Variants in MEAK7 observed in about 807,000 individuals in gnomAD.
MEAK7 encodes MTOR-associated protein MEAK7.
Under a neutral mutation model 40.5 loss-of-function variants are expected in MEAK7, and 68 were observed. The ratio of observed to expected loss-of-function variants is 1.68; its 90% CI spans 1.38 to 2.06. MEAK7 has a LOEUF of 2.06. MEAK7 is among the 30% of genes most tolerant of loss of function. MEAK7 has a pLI of 0.00. For missense variants in MEAK7, 918 were observed against 580.5 expected (o/e 1.58, Z -5.98); for synonymous variants, 338 against 231.9 (o/e 1.46, Z -4.16).
chr16:84,495,950 G>A lies in MEAK7; in HGVS notation c.154-37C>T, dbSNP rs114453352. On this transcript the variant is annotated intron_variant, in intron 2 of 7. Coordinates refer to ENST00000343629, the MANE Select transcript of MEAK7 (RefSeq NM_020947.4). ...AAGCAGAAAAATATGGTTAGACAGT[G>A]CACAAGTTGAACTTGGTTACTAGGA... The A allele has an allele frequency of 3.3e-4, 535 of 1,603,130 alleles. 6 individuals carry two copies. In the African/African-American group the frequency reaches 5.8e-3, roughly 17 times the overall value.
At chr16:84,484,964 A>C (rs975497432) in intron 5 of MEAK7, among the ~76,000 whole-genome samples, 2 of 152,222 alleles carry the variant, frequency 1.3e-5, no homozygotes, top group Non-Finnish European at 2.9e-5. Context: ...GTCCATCTGA[A>C]ATTAACATTA....
intron 2 of MEAK7, among the ~76,000 whole-genome samples, chr16:84,496,652 G>A (rs909094873): frequency 1.3e-5 from 2 of 152,116 alleles, no homozygotes; most frequent in African/African-American, 4.8e-5. Flanking sequence ...CAATGCTGCT[G>A]TCAGCTCCCA....
rs930242355 is a variant in MEAK7 at position 84,486,541 on chromosome 16, G to A, written c.958+90C>T. On this transcript the variant is annotated intron_variant, in intron 5 of 7. Coordinates refer to ENST00000343629, the MANE Select transcript of MEAK7 (RefSeq NM_020947.4). ...AGAAACACTTGGAGAAGATGGGAGAGCCCTATTTAGCACCCCCACCCTCTC... is the reference window on the plus strand; with the variant it reads ...AGAAACACTTGGAGAAGATGGGAGAACCCTATTTAGCACCCCCACCCTCTC... 3.3e-6 allele frequency: 5 copies of A among 1,496,858 alleles called. No individual in the cohort carries two copies. In the East Asian group the frequency reaches 1.1e-4, roughly 34 times the overall value. 92.7% of individuals were successfully genotyped at this position (1,496,858 alleles called of 1,614,324 possible). A position where few individuals can be genotyped will look rare whatever the true frequency, so the allele number is the denominator to read the frequency against.
intron 2 of MEAK7, among the ~76,000 whole-genome samples, chr16:84,496,208 C>G (rs9935522): frequency 0.027 from 4,137 of 152,256 alleles, 227 homozygotes; most frequent in African/African-American, 0.095. Context: ...CATATCCCCA[C>G]GTGTATAGAA....
chr16:84,494,321 G>C (rs1416680409), intron 3 of MEAK7, among the ~76,000 whole-genome samples: 2 of 152,164 alleles, frequency 1.3e-5, no homozygotes, highest in Non-Finnish European at 2.9e-5. Context: ...TTGGATTCTA[G>C]CTTTGACCAG....
At position 84,477,214 on chromosome 16, in the gene MEAK7, G is replaced by T. The variant is rs1968389; in HGVS notation, c.*2699C>A. 0.2 allele frequency: 30,115 copies of T among 147,688 alleles called. 3,264 individuals are homozygous for T. Among genetic ancestry groups the T allele is most frequent in the African/African-American group, 0.25 (10,022 of 39,756 alleles). 9.1% of individuals were successfully genotyped at this position (147,688 alleles called of 1,614,324 possible). A position where few individuals can be genotyped will look rare whatever the true frequency, so the allele number is the denominator to read the frequency against. On this transcript the variant is annotated 3_prime_UTR_variant, in exon 8 of 8. Transcript: ENST00000343629. The stretch of plus-strand genomic sequence containing the variant: ...CCAGCCTTTTTTTTTTTCTTGAAAC[G>T]GAGTTTCACTCTTGTTGCCCAGGCT...
chr16:84,497,572 C>G, intron 2 of MEAK7: 1 of 1,300,908 alleles, frequency 7.7e-7, no homozygotes, highest in Non-Finnish European at 1.0e-6. Flanking sequence ...CTATCTCTCT[C>G]CTCTGATGTT....
intron 4 of MEAK7, 139 bp downstream of exon 4, chr16:84,489,139 A>T: frequency 8.7e-7 from 1 of 1,153,032 alleles, no homozygotes; most frequent in Non-Finnish European, 1.2e-6. Flanking sequence ...AAATATGCCA[A>T]CAAACTAGAA....
intron 6 of MEAK7, 51 bp from the exon 7 acceptor site, chr16:84,480,759 G>C (rs371037400): frequency 3.9e-6 from 6 of 1,539,310 alleles, no homozygotes; most frequent in Admixed American, 2.0e-5. Context: ...CTCAGGGTCT[G>C]TGGACATCAA....
intron 6 of MEAK7, 71 bp downstream of exon 6, chr16:84,482,521 G>C (rs2150624910): frequency 1.2e-6 from 2 of 1,610,718 alleles, no homozygotes; most frequent in Admixed American, 1.7e-5. Context: ...CTGTGGAGCT[G>C]AGCCTCGGGG....
intron 1 of MEAK7, among the ~76,000 whole-genome samples, 185 bp downstream of exon 1, chr16:84,504,415 TC>T (rs1914729594): frequency 6.7e-6 from 1 of 149,944 alleles, no homozygotes; most frequent in Non-Finnish European, 1.5e-5. Flanking sequence ...CGCCCCGCTG[TC>T]CCCACCCCTC....
chr16:84,497,889 A>C, intron 2 of MEAK7, 45 bp downstream of exon 2: 1 of 1,610,686 alleles, frequency 6.2e-7, no homozygotes, highest in Non-Finnish European at 8.5e-7. Flanking sequence ...CAGTTTGCAG[A>C]CCCCTGCTCC....
At chr16:84,491,164 G>T (rs1409303223) in intron 3 of MEAK7, among the ~76,000 whole-genome samples, 1 of 152,242 alleles carries the variant, frequency 6.6e-6, no homozygotes, top group African/African-American at 2.4e-5. Context: ...AGGGGGCTGG[G>T]CGTGGTGGCT....
chr16:84,503,754 G>A (rs964363413), intron 1 of MEAK7, among the ~76,000 whole-genome samples: 2 of 152,102 alleles, frequency 1.3e-5, no homozygotes, highest in Non-Finnish European at 2.9e-5. Flanking sequence ...CTCTGCCTCC[G>A]TGATGGAGGG....
chr16:84,495,708 G>A lies in MEAK7; in HGVS notation c.359C>T (p.Pro120Leu), dbSNP rs1567502243. 3 of 1,614,050 alleles carry A rather than the reference G, an allele frequency of 1.9e-6. No individual in the cohort carries two copies. The highest frequency in any genetic ancestry group is 2.5e-6 in the Non-Finnish European group (3 of 1,180,022). The change falls in exon 3 of 8, where the codon CCC becomes CTC. Residue 120 changes from proline to leucine, a missense_variant. By Grantham distance (98) the Pro-to-Leu change is moderately conservative (BLOSUM62 -3). Coordinates refer to ENST00000343629, the MANE Select transcript of MEAK7 (RefSeq NM_020947.4). ...IMKMISATEG[P>L]VKAREVQKFT... ...CTTTTGGACTTCTCTGGCCTTCACGGGACCTTCTGTGGCAGAAATCATTTT... is the reference window on the plus strand; with the variant it reads ...CTTTTGGACTTCTCTGGCCTTCACGAGACCTTCTGTGGCAGAAATCATTTT...
chr16:84,489,912 G>T (rs1283785701), intron 3 of MEAK7, among the ~76,000 whole-genome samples: 1 of 152,200 alleles, frequency 6.6e-6, no homozygotes, highest in African/African-American at 2.4e-5. Context: ...ACAGGGAAGG[G>T]GAATTGGAGG....
At chr16:84,497,455 G>C in intron 2 of MEAK7, 4 of 1,289,686 alleles carry the variant, frequency 3.1e-6, no homozygotes, top group Middle Eastern at 2.1e-4. Flanking sequence ...ACACGTCATG[G>C]TTCCTGGACC....
At position 84,482,441 on chromosome 16, in the gene MEAK7, C is replaced by G. The variant is rs1032071610; in HGVS notation, c.1077+151G>C. ...GCCCAGCTGTCACTGCCCCCAGCAC[C>G]GGCCCTGGAAACAGAAGGAACTGGA... On this transcript the variant is annotated intron_variant, in intron 6 of 7. Coordinates refer to ENST00000343629, the MANE Select transcript of MEAK7 (RefSeq NM_020947.4). The G allele has an allele frequency of 9.2e-6, 12 of 1,302,238 alleles. No individual in the cohort carries two copies. In the African/African-American group the frequency reaches 1.6e-4, roughly 17 times the overall value. 80.7% of individuals were successfully genotyped at this position (1,302,238 alleles called of 1,614,324 possible).
In MEAK7 at chr16:84,486,923, G is replaced by C. The variant is rs1359054040; in HGVS notation, c.666C>G (p.Cys222Trp). The change falls in exon 5 of 8, where the codon TGC (cysteine) becomes TGG (tryptophan). Residue 222 changes from cysteine (C) to tryptophan (W), a missense_variant. Coordinates refer to ENST00000343629, the MANE Select transcript of MEAK7 (RefSeq NM_020947.4). ...CCAGGGTAGTCAGATCAAGAGACGA[G>C]CACAGGATGAGAAAGCCCTTGCAAA... Reference protein sequence around the residue: ...VVICKGFLILCSSLDLTTLVP... With the variant: ...VVICKGFLILWSSLDLTTLVP... 1.9e-6 allele frequency: 3 copies of C among 1,614,184 alleles called. No individual in the cohort carries two copies. Among genetic ancestry groups the C allele is most frequent in the Non-Finnish European group, 2.5e-6 (3 of 1,180,032 alleles).
Sources: gnomAD v4.1 joint callset for allele counts (sites outside exome capture counted in the v4.1 genomes callset) on GRCh38, gnomAD v4.1.1 for gene constraint, MANE v1.5 for transcripts, NCBI Gene and HGNC (gene_info 2026-07-23, HGNC 2026-07-21) for gene names.